Variants in ARHGEF26 observed in about 807,000 individuals in gnomAD.
ARHGEF26 encodes the protein Rho guanine nucleotide exchange factor (GEF) 26.
ARHGEF26 carries 59 observed loss-of-function variants against 89.4 expected under a neutral mutation model. The ratio of observed to expected loss-of-function variants is 0.66; its 90% CI spans 0.54 to 0.82. The LOEUF (loss-of-function observed/expected upper bound fraction) is 0.82, where lower values mean the gene tolerates loss of function less well. Ranked by LOEUF, ARHGEF26 falls within the 40% of genes least tolerant of loss-of-function variation. ARHGEF26 has a pLI of 0.00. For missense variants in ARHGEF26, 1,234 were observed against 1,085.6 expected, an observed-to-expected ratio of 1.14 and a Z score of -1.92; for synonymous variants, 500 against 428.4, an observed-to-expected ratio of 1.17 and a Z score of -2.06.
At chr3:154,209,067 G>A (rs1020552776) in intron 9 of ARHGEF26, among the ~76,000 whole-genome samples, 10 of 151,796 alleles carry the variant, frequency 6.6e-5, no homozygotes, top group African/African-American at 2.2e-4. Context: ...GTGCCTGGCC[G>A]CCAGTTGCAT....
At chr3:154,207,970 A>G (rs1224370124) in intron 9 of ARHGEF26, among the ~76,000 whole-genome samples, 1 of 152,218 alleles carries the variant, frequency 6.6e-6, no homozygotes, top group Non-Finnish European at 1.5e-5. Flanking sequence ...GGAGGCCATT[A>G]TCCTTAGCAA....
chr3:154,215,509 A>G (rs1210735559), intron 9 of ARHGEF26, among the ~76,000 whole-genome samples: 1 of 151,820 alleles, frequency 6.6e-6, no homozygotes, highest in Admixed American at 6.6e-5. Context: ...TTTTTAATGA[A>G]TAATATTTTA....
intron 9 of ARHGEF26, among the ~76,000 whole-genome samples, chr3:154,195,706 C>T (rs757055641): frequency 1.6e-4 from 25 of 152,098 alleles, no homozygotes; most frequent in Non-Finnish European, 3.2e-4. Flanking sequence ...TCCTATAGAA[C>T]GTCCAAGTTG....
At chr3:154,140,737 C>T (rs904223575) in intron 4 of ARHGEF26, among the ~76,000 whole-genome samples, 2 of 151,558 alleles carry the variant, frequency 1.3e-5, no homozygotes, top group Non-Finnish European at 2.9e-5. Context: ...CACGCCACCA[C>T]GCCCGGCTAA....
intron 6 of ARHGEF26, among the ~76,000 whole-genome samples, chr3:154,162,776 A>AT (rs1711747586): frequency 6.6e-6 from 1 of 152,152 alleles, no homozygotes; most frequent in African/African-American, 2.4e-5. Flanking sequence ...AGCTGCCGAG[A>AT]TAGGCTCTGG....
intron 4 of ARHGEF26, among the ~76,000 whole-genome samples, chr3:154,141,212 G>A (rs1010506644): frequency 1.3e-5 from 2 of 152,004 alleles, no homozygotes; most frequent in African/African-American, 2.4e-5. Context: ...TTTTCCGCCC[G>A]CCTCGGCCTC....
intron 10 of ARHGEF26, among the ~76,000 whole-genome samples, chr3:154,223,296 T>G (rs1716256698): frequency 6.6e-6 from 1 of 152,050 alleles, no homozygotes; most frequent in South Asian, 2.1e-4. Context: ...TTTGTTAGTT[T>G]CCCAAAAATC....
At chr3:154,216,667 A>C in intron 9 of ARHGEF26, among the ~76,000 whole-genome samples, 1 of 102,516 alleles carries the variant, frequency 9.8e-6, no homozygotes, top group South Asian at 4.5e-4. Flanking sequence ...TATATCTCCC[A>C]ATGCTATCCC....
At chr3:154,212,366 G>T (rs1403290549) in intron 9 of ARHGEF26, among the ~76,000 whole-genome samples, 1 of 150,942 alleles carries the variant, frequency 6.6e-6, no homozygotes, top group Non-Finnish European at 1.5e-5. Context: ...GGGAAAATTG[G>T]ATACAATAAT....
chr3:154,155,747 A>G (rs986419573), intron 6 of ARHGEF26, among the ~76,000 whole-genome samples: 1 of 80,592 alleles, frequency 1.2e-5, no homozygotes, highest in African/African-American at 3.4e-5. Context: ...TAGGAGAAAT[A>G]ACAAAAGTAT....
chr3:154,254,815 G>T lies in ARHGEF26; in HGVS notation c.2464G>T (p.Val822Phe), dbSNP rs749256693. The change falls in exon 14 of 15, where the codon GTC (valine) becomes TTC (phenylalanine). Residue 822 changes from valine (V) to phenylalanine (F), a missense_variant. Val to Phe is a conservative substitution (Grantham distance 50, BLOSUM62 -1). Transcript: ENST00000465093. ...TGACGTCGTCCTCATCTATCAACGT[G>T]TCAGCGATGGTGAGTGGGAGCGTTC... ...VADVVLIYQR[V>F]SDGWYEGERL... 5.6e-6 allele frequency: 9 copies of T among 1,613,452 alleles called. No homozygotes were observed. The African/African-American group carries it at 1.2e-4, about 22-fold the overall frequency.
chr3:154,170,836 C>T (rs1381825634), intron 6 of ARHGEF26, among the ~76,000 whole-genome samples: 1 of 152,126 alleles, frequency 6.6e-6, no homozygotes, highest in Admixed American at 6.5e-5. Flanking sequence ...CAAAAGATAT[C>T]CCAATTTGGA....
intron 9 of ARHGEF26, among the ~76,000 whole-genome samples, chr3:154,197,911 C>T (rs1475921245): frequency 6.6e-6 from 1 of 151,962 alleles, no homozygotes; most frequent in African/African-American, 2.4e-5. Flanking sequence ...ATGAATCTTC[C>T]CTGTTATTTC....
intron 6 of ARHGEF26, among the ~76,000 whole-genome samples, chr3:154,173,886 T>C (rs1404739047): frequency 7.1e-6 from 1 of 139,904 alleles, no homozygotes; most frequent in Admixed American, 7.2e-5. Flanking sequence ...AATGAGTGAT[T>C]TCAGAAACCT....
At chr3:154,200,633 T>C (rs969305669) in intron 9 of ARHGEF26, among the ~76,000 whole-genome samples, 3 of 151,930 alleles carry the variant, frequency 2.0e-5, no homozygotes, top group Non-Finnish European at 4.4e-5. Context: ...ATTGAATCTG[T>C]AGAATTCTTT....
intron 7 of ARHGEF26, among the ~76,000 whole-genome samples, chr3:154,189,061 C>T (rs1713775841): frequency 6.6e-6 from 1 of 152,132 alleles, no homozygotes; most frequent in African/African-American, 2.4e-5. Context: ...ATCACTTCCT[C>T]ACTCCACCAC....
At chr3:154,142,324 T>TC (rs1310824699) in intron 4 of ARHGEF26, among the ~76,000 whole-genome samples, 1 of 152,128 alleles carries the variant, frequency 6.6e-6, no homozygotes, top group Non-Finnish European at 1.5e-5. Context: ...TGCCTTGGCC[T>TC]CCCAAAGTGC....
chr3:154,163,493 G>T (rs1017101067), intron 6 of ARHGEF26, among the ~76,000 whole-genome samples: 8 of 152,146 alleles, frequency 5.3e-5, no homozygotes, highest in African/African-American at 1.4e-4. Context: ...GCAGTTAAGG[G>T]TTCAGTCTAC....
chr3:154,213,237 GTGTGTATA>G (rs1345928399), intron 9 of ARHGEF26, among the ~76,000 whole-genome samples: 1 of 129,970 alleles, frequency 7.7e-6, no homozygotes, highest in African/African-American at 2.7e-5. Flanking sequence ...GTGTGTGTGT[GTGTGTATA>G]TATATATATA....
Sources: gnomAD v4.1 joint callset for allele counts (sites outside exome capture counted in the v4.1 genomes callset) on GRCh38, gnomAD v4.1.1 for gene constraint, MANE v1.5 for transcripts, NCBI Gene and HGNC (gene_info 2026-07-23, HGNC 2026-07-21) for gene names.